The following ACER1 variants were observed in gnomAD, a reference collection of about 807,000 sequenced individuals.
The protein encoded by ACER1 is alkaline ceramidase 1, also known as CTB-180A7.3.
In ACER1, 28 loss-of-function variants were observed where a neutral mutation model predicts 24.9. That is an observed-to-expected ratio of 1.13 (90% confidence interval 0.83 to 1.54). ACER1 has a LOEUF of 1.54. ACER1 is among the 40% of genes most tolerant of loss of function. The probability of loss-of-function intolerance (pLI) is 0.00; values close to 1 mark genes in which losing one functional copy is unlikely to be tolerated. For synonymous variants in ACER1, 132 were observed against 131.4 expected (o/e 1.00, Z -0.03); for missense variants, 352 against 349.3 (o/e 1.01, Z -0.06).
At chr19:6,310,162 G>C (rs992703263) in intron 3 of ACER1, among the ~76,000 whole-genome samples, 1 of 151,774 alleles carries the variant, frequency 6.6e-6, no homozygotes. Context: ...ATCTGGGCTC[G>C]CTGCAAGCTC....
At chr19:6,322,734 G>A (rs1268847166) in intron 1 of ACER1, among the ~76,000 whole-genome samples, 3 of 152,112 alleles carry the variant, frequency 2.0e-5, no homozygotes, top group Admixed American at 6.6e-5. Context: ...CACAATTCCC[G>A]TGTGATTGAA....
chr19:6,352,412 G>GGA, the ACER1 span, among the ~76,000 whole-genome samples: 1 of 152,180 alleles, frequency 6.6e-6, no homozygotes, highest in African/African-American at 2.4e-5. Flanking sequence ...ACAGCCATGT[G>GGA]GAGAGAGAGA....
the ACER1 span, among the ~76,000 whole-genome samples, chr19:6,342,902 C>G: frequency 6.6e-6 from 1 of 151,748 alleles, no homozygotes; most frequent in African/African-American, 2.4e-5. Context: ...CTCATCCTCC[C>G]GAATAGCTGG....
intron 1 of ACER1, among the ~76,000 whole-genome samples, chr19:6,329,105 A>C (rs938812118): frequency 6.6e-6 from 1 of 151,978 alleles, no homozygotes; most frequent in Admixed American, 6.6e-5. Context: ...CTATGATGGC[A>C]CCACTCCATC....
the ACER1 span, among the ~76,000 whole-genome samples, chr19:6,352,760 T>C: frequency 6.6e-6 from 1 of 152,254 alleles, no homozygotes; most frequent in East Asian, 1.9e-4. Flanking sequence ...TGTAGCAATG[T>C]CCATGAGCCA....
chr19:6,347,109 A>AAAAATATATATATATATATATATATAT, the ACER1 span, among the ~76,000 whole-genome samples: 22 of 113,748 alleles, frequency 1.9e-4, no homozygotes, highest in African/African-American at 1.1e-3. Context: ...AAAAAAAAAA[A>AAAAATATATATATATATATATATATAT]ATATATATAT....
At chr19:6,308,418 AGAGT>A (rs1226988292) in intron 4 of ACER1, among the ~76,000 whole-genome samples, 1 of 144,670 alleles carries the variant, frequency 6.9e-6, no homozygotes. Flanking sequence ...CTGGGCGACA[AGAGT>A]GAGACTCCGT....
rs755380040 is a variant in ACER1 at position 6,309,872 on chromosome 19, G to A, written c.351-38C>T. 24 of 1,612,124 alleles carry A rather than the reference G, an allele frequency of 1.5e-5. No individual in the cohort carries two copies. The Admixed American group carries it at 3.3e-4, about 22-fold the overall frequency. On this transcript the variant is annotated intron_variant, in intron 3 of 5. Coordinates refer to ENST00000301452, the MANE Select transcript of ACER1 (RefSeq NM_133492.3). ...GGGCTCAGCTGTAGGCGGGAAGGGA[G>A]GTCCTGGGATTGTAGGCATGGTCAC...
intron 4 of ACER1, among the ~76,000 whole-genome samples, chr19:6,307,920 C>T (rs1316270018): frequency 6.6e-6 from 1 of 151,236 alleles, no homozygotes; most frequent in Non-Finnish European, 1.5e-5. Context: ...AACTCTGACT[C>T]TACTAAAAAT....
At chr19:6,347,456 G>A in the ACER1 span, among the ~76,000 whole-genome samples, 1 of 151,886 alleles carries the variant, frequency 6.6e-6, no homozygotes, top group Non-Finnish European at 1.5e-5. Flanking sequence ...TTGGGCTTAG[G>A]TGATCTGCCC....
chr19:6,353,642 A>G, the ACER1 span, among the ~76,000 whole-genome samples: 1 of 151,752 alleles, frequency 6.6e-6, no homozygotes, highest in Non-Finnish European at 1.5e-5. Context: ...CTTGACCAAC[A>G]TGCTGAAACC....
chr19:6,351,104 C>T, the ACER1 span, among the ~76,000 whole-genome samples: 8 of 151,884 alleles, frequency 5.3e-5, no homozygotes, highest in African/African-American at 1.7e-4. Flanking sequence ...TGGTGGCTCA[C>T]GCCTGTAATC....
the ACER1 span, among the ~76,000 whole-genome samples, chr19:6,348,752 GT>G: frequency 6.6e-6 from 1 of 152,004 alleles, no homozygotes; most frequent in Non-Finnish European, 1.5e-5. Context: ...GGAATTCACA[GT>G]TGTCAAAGAA....
intron 4 of ACER1, among the ~76,000 whole-genome samples, chr19:6,308,955 T>C (rs181120058): frequency 6.6e-6 from 1 of 152,112 alleles, no homozygotes; most frequent in African/African-American, 2.4e-5. Context: ...TCTCAACACT[T>C]TGGGAGGCCG....
At chr19:6,341,523 CAAAAAAAAAA>C in the ACER1 span, among the ~76,000 whole-genome samples, 2 of 60,698 alleles carry the variant, frequency 3.3e-5, no homozygotes, top group Non-Finnish European at 7.3e-5. Context: ...GACCTTGTCT[CAAAAAAAAAA>C]AAAAGAAAAA....
the ACER1 span, among the ~76,000 whole-genome samples, chr19:6,353,893 G>C: frequency 6.6e-6 from 1 of 151,430 alleles, no homozygotes; most frequent in African/African-American, 2.4e-5. Flanking sequence ...TAAAACAGTG[G>C]TTCTCAGGCC....
the ACER1 span, among the ~76,000 whole-genome samples, chr19:6,338,673 A>G: frequency 6.6e-6 from 1 of 151,844 alleles, no homozygotes; most frequent in Non-Finnish European, 1.5e-5. Context: ...CTGCAGCCTC[A>G]ACCTCCTGGG....
chr19:6,327,169 G>C (rs2145015207), intron 1 of ACER1, among the ~76,000 whole-genome samples: 1 of 152,302 alleles, frequency 6.6e-6, no homozygotes, highest in Admixed American at 6.5e-5. Flanking sequence ...AGTGGCTCAT[G>C]CCTATAATGC....
chr19:6,355,147 T>C, the ACER1 span, among the ~76,000 whole-genome samples: 1 of 152,022 alleles, frequency 6.6e-6, no homozygotes, highest in Non-Finnish European at 1.5e-5. Context: ...CAGGCTGGAG[T>C]GCAGTGGCGT....
Sources: gnomAD v4.1 joint callset for allele counts (sites outside exome capture counted in the v4.1 genomes callset) on GRCh38, gnomAD v4.1.1 for gene constraint, MANE v1.5 for transcripts, NCBI Gene and HGNC (gene_info 2026-07-23, HGNC 2026-07-21) for gene names.